The following MFRP variants were observed in gnomAD, a reference collection of about 807,000 sequenced individuals.
The protein encoded by MFRP is membrane frizzled-related protein.
In MFRP, 74 loss-of-function variants were observed where a neutral mutation model predicts 65.8. The ratio of observed to expected loss-of-function variants is 1.12; its 90% CI spans 0.93 to 1.36. The LOEUF is 1.36. MFRP is among the 40% of genes most tolerant of loss of function. The probability of loss-of-function intolerance (pLI) is 0.00; values close to 1 mark genes in which losing one functional copy is unlikely to be tolerated. For synonymous variants in MFRP, 336 were observed against 288.3 expected (o/e 1.17, Z -1.68); for missense variants, 838 against 736.0 (o/e 1.14, Z -1.60).
In MFRP at chr11:119,339,667, C is replaced by T. The variant is rs1358948095; in HGVS notation, c.*1292G>A. 3 of 1,611,768 alleles carry T rather than the reference C, an allele frequency of 1.9e-6. No individual in the cohort carries two copies. In the South Asian group the frequency reaches 3.3e-5, roughly 18 times the overall value. ...CGGTGACGGCGTCGTAATGTCCCTG[C>T]TCGTTCACCAGCACGCGGTCGAAGG... On this transcript the variant is annotated 3_prime_UTR_variant, in exon 15 of 15. Transcript: ENST00000619721. This position sits in a 1 kb window ranked among gnomAD's most constrained non-coding sequence, Gnocchi z 5.4.
In MFRP at chr11:119,346,034, C is replaced by T. The variant is rs771849767; in HGVS notation, c.271+12G>A. On this transcript the variant is annotated intron_variant, in intron 3 of 14. Transcript: ENST00000619721. Reference sequence around the variant, plus strand: ...CCAAAGCCCTCGTTTCAAGCTGTCCCCGGGTACTTACGGGCCAGGATGATG... The same window carrying T: ...CCAAAGCCCTCGTTTCAAGCTGTCCTCGGGTACTTACGGGCCAGGATGATG... 1.9e-6 allele frequency: 3 copies of T among 1,612,068 alleles called. No individual in the cohort carries two copies. The highest frequency in any genetic ancestry group is 3.4e-5 in the Admixed American group (2 of 59,646).
rs1456218480 is a variant in MFRP, at chr11:119,339,105, C to G, written c.*1854G>C. On this transcript the variant is annotated 3_prime_UTR_variant, in exon 15 of 15. Transcript: ENST00000619721. The surrounding 1 kb of genome is among the most constrained non-coding windows in gnomAD (Gnocchi z 5.4). ...GACTTACACTTGCCAGCACAGCACA[C>G]TCCTCTGGTCTTGGGCAGAAATCCA... The G allele has an allele frequency of 3.4e-6, 2 of 581,104 alleles. No individual in the cohort carries two copies. Among genetic ancestry groups the G allele is most frequent in the Non-Finnish European group, 6.0e-6 (2 of 331,444 alleles). The allele number at this position is 581,104 out of a possible 1,614,324, so 36.0% of individuals were successfully genotyped here.
intron 5 of MFRP, 23 bp downstream of exon 5, chr11:119,345,397 G>A (rs1335000722): frequency 3.1e-6 from 5 of 1,609,884 alleles, no homozygotes; most frequent in African/African-American, 1.3e-5. Context: ...ACGGTGGGAT[G>A]TCCTGGGGAC....
chr11:119,343,194 C>T (rs555930057), intron 9 of MFRP, among the ~76,000 whole-genome samples, 191 bp from the exon 10 acceptor site: 22 of 152,314 alleles, frequency 1.4e-4, no homozygotes, highest in Admixed American at 5.2e-4. Context: ...TGTCTGAACT[C>T]GAGCCACTTC....
chr11:119,341,721 G>A lies in MFRP; in HGVS notation c.1567C>T (p.Leu523=), dbSNP rs1249804894. The A allele has an allele frequency of 6.2e-7, 1 of 1,613,184 alleles. No homozygotes were observed. Among genetic ancestry groups the A allele is most frequent in the Admixed American group, 1.7e-5 (1 of 60,006 alleles). Residue 523 remains leucine (L), a synonymous_variant, in exon 13 of 15, where the codon CTG becomes TTG. Coordinates refer to ENST00000619721, the MANE Select transcript of MFRP (RefSeq NM_031433.4). ...YQHFRRLLCG[L]LVPRCTPLGS... is the part of the protein sequence containing the mutation. ...AGTGGGGTGCAACGGGGCACAAGCA[G>A]CCCACACAGGAGCCTCCGGAAATGC... is the stretch of plus-strand genomic sequence containing the variant.
At chr11:119,345,952 G>A (rs1217478598) in intron 3 of MFRP, 24 bp from the exon 4 acceptor site, 1 of 1,613,644 alleles carries the variant, frequency 6.2e-7, no homozygotes, top group South Asian at 1.1e-5. Context: ...GATGGAGGGT[G>A]GCGTTCAGAG....
chr11:119,340,412 G>A lies in MFRP; in HGVS notation c.*882C>T, dbSNP rs1002147275. ...AGTGGCCTCATAGCGCTGGCACCGG[G>A]AGCCCGGACGCCGGGGTCCTCTCGC... On this transcript the variant is annotated 3_prime_UTR_variant, in exon 14 of 15. Transcript: ENST00000619721. 6 of 1,542,478 alleles carry A rather than the reference G, an allele frequency of 3.9e-6. No individual in the cohort carries two copies. The Admixed American group carries it at 1.2e-4, about 30-fold the overall frequency.
At chr11:119,344,053 C>T in intron 8 of MFRP, 89 bp from the exon 9 acceptor site, 3 of 1,525,956 alleles carry the variant, frequency 2.0e-6, no homozygotes, top group South Asian at 1.1e-5. Context: ...CCACTGCTGG[C>T]TGGGGGGATG....
intron 10 of MFRP, 40 bp from the exon 11 acceptor site, chr11:119,342,767 C>G: frequency 6.2e-7 from 1 of 1,613,260 alleles, no homozygotes; most frequent in Non-Finnish European, 8.5e-7. Flanking sequence ...GGGGACATAC[C>G]TACACCCCCA....
intron 5 of MFRP, 81 bp downstream of exon 5, chr11:119,345,338 CT>C: frequency 7.0e-7 from 1 of 1,431,754 alleles, no homozygotes; most frequent in African/African-American, 1.4e-5. Flanking sequence ...TCGGTTAGCC[CT>C]TCTCCCTGCC....
chr11:119,340,184 C>T lies in MFRP; in HGVS notation c.*1110G>A, dbSNP rs1431216931. On this transcript the variant is annotated splice_region_variant and 3_prime_UTR_variant, in exon 14 of 15. Coordinates refer to ENST00000619721, the MANE Select transcript of MFRP (RefSeq NM_031433.4). ...GATAGCCGCGGCGGTGCCTTCTTAC[C>T]CGGCCTCCCGCCCTCGCCTTTCTCT... 2.3e-5 allele frequency: 35 copies of T among 1,514,758 alleles called. No individual in the cohort carries two copies. Among genetic ancestry groups the T allele is most frequent in the African/African-American group, 2.9e-5 (2 of 68,728 alleles). 93.8% of individuals were successfully genotyped at this position (1,514,758 alleles called of 1,614,324 possible).
chr11:119,345,129 CT>C, intron 5 of MFRP, 125 bp from the exon 6 acceptor site: 1 of 1,292,978 alleles, frequency 7.7e-7, no homozygotes, highest in Non-Finnish European at 1.1e-6. Flanking sequence ...GTCAAAAAGG[CT>C]CCTCTGATGT....
rs1390362035 is a variant in MFRP, at chr11:119,339,094, A to G, written c.*1865T>C. 4 of 540,086 alleles carry G rather than the reference A, an allele frequency of 7.4e-6. No homozygotes were observed. Among genetic ancestry groups the G allele is most frequent in the Non-Finnish European group, 9.8e-6 (3 of 306,620 alleles). The allele number at this position is 540,086 out of a possible 1,614,324, so 33.5% of individuals were successfully genotyped here. ...AGCAACTGGGGGACTTACACTTGCC[A>G]GCACAGCACACTCCTCTGGTCTTGG... On this transcript the variant is annotated 3_prime_UTR_variant, in exon 15 of 15. Coordinates refer to ENST00000619721, the MANE Select transcript of MFRP (RefSeq NM_031433.4). The surrounding 1 kb of genome is among the most constrained non-coding windows in gnomAD (Gnocchi z 5.4).
chr11:119,345,154 G>T (rs758485034), intron 5 of MFRP, 150 bp from the exon 6 acceptor site: 113 of 1,025,810 alleles, frequency 1.1e-4, no homozygotes, highest in Non-Finnish European at 1.6e-4. Flanking sequence ...AGGGAGCTCT[G>T]ACCTTCCTAG....
Position 119,339,801 on chromosome 11 carries a change from G to T in MFRP, c.*1158C>A, listed in dbSNP as rs996161591. 2 of 1,506,518 alleles carry T rather than the reference G, an allele frequency of 1.3e-6. No homozygotes were observed. The allele number at this position is 1,506,518 out of a possible 1,614,324, so 93.3% of individuals were successfully genotyped here. ...CCGGCAGGCCCGGTGGGCCCCGCGG[G>T]TCCCGCCTCTCCTCGCGGCCCGGGG... On this transcript the variant is annotated 3_prime_UTR_variant, in exon 15 of 15. Transcript: ENST00000619721. The surrounding 1 kb of genome is among the most constrained non-coding windows in gnomAD (Gnocchi z 5.4).
At position 119,344,409 on chromosome 11, in the gene MFRP, G is replaced by C. The variant is rs770635859; in HGVS notation, c.899-18C>G. 6.2e-7 allele frequency: 1 copy of C among 1,611,270 alleles called. No homozygotes were observed. The highest frequency in any genetic ancestry group is 1.7e-5 in the Admixed American group (1 of 59,764). The stretch of plus-strand genomic sequence containing the variant: ...CCCACACCCTGTAGAGAGGTGGAAG[G>C]GCTCATGAGTTTGCTAGGATCTGTG... On this transcript the variant is annotated intron_variant, in intron 7 of 14. Coordinates refer to ENST00000619721, the MANE Select transcript of MFRP (RefSeq NM_031433.4).
intron 9 of MFRP, among the ~76,000 whole-genome samples, 157 bp from the exon 10 acceptor site, chr11:119,343,160 C>A (rs1158105180): frequency 1.3e-5 from 2 of 152,202 alleles, no homozygotes; most frequent in East Asian, 3.8e-4. Context: ...CACATATATT[C>A]AACAGGGAAA....
rs892790876 is a variant in MFRP, at chr11:119,340,346, G to T, written c.*948C>A. The T allele has an allele frequency of 2.6e-6, 4 of 1,543,892 alleles. No homozygotes were observed. Among genetic ancestry groups the T allele is most frequent in the Non-Finnish European group, 3.5e-6 (4 of 1,145,442 alleles). On this transcript the variant is annotated 3_prime_UTR_variant, in exon 14 of 15. Transcript: ENST00000619721. ...CTGGGGATCTTGTTGTCGTCCAGTG[G>T]GGGCGAGCCGGCCGCCAGGCCCAGG...
chr11:119,340,807 C>T lies in MFRP; in HGVS notation c.*741G>A. The T allele has an allele frequency of 4.0e-6, 1 of 252,098 alleles. No individual in the cohort carries two copies. The highest frequency in any genetic ancestry group is 7.6e-6 in the Non-Finnish European group (1 of 130,812). The allele number at this position is 252,098 out of a possible 1,614,324, so 15.6% of individuals were successfully genotyped here. ...CCCCGGCCAGGCGCCCCCTGCCCTG[C>T]CGTCACCCCAGTCCTGGTTCGCTCC... is the stretch of plus-strand genomic sequence containing the variant. On this transcript the variant is annotated 3_prime_UTR_variant, in exon 13 of 15. Coordinates refer to ENST00000619721, the MANE Select transcript of MFRP (RefSeq NM_031433.4).
Sources: gnomAD v4.1 joint callset for allele counts (sites outside exome capture counted in the v4.1 genomes callset) on GRCh38, gnomAD v4.1.1 for gene constraint, Gnocchi (gnomAD v3.1) non-coding constraint, MANE v1.5 for transcripts, NCBI Gene and HGNC (gene_info 2026-07-23, HGNC 2026-07-21) for gene names.